The following CAMKV variants were observed in gnomAD, a reference collection of about 807,000 sequenced individuals.
CAMKV encodes caM kinase-like vesicle-associated protein.
In CAMKV, 5 loss-of-function variants were observed where a neutral mutation model predicts 50.2. The observed-to-expected ratio is 0.10, with a 90% CI of 0.05 to 0.21. CAMKV has a LOEUF of 0.21. Among genes scored for constraint, CAMKV ranks in the 10% least tolerant of loss-of-function variants. CAMKV has a pLI of 1.00. For synonymous variants in CAMKV, 229 were observed against 250.1 expected, an observed-to-expected ratio of 0.92 and a Z score of 0.80; for missense variants, 361 against 650.5, an observed-to-expected ratio of 0.55 and a Z score of 4.84.
chr3:49,864,513 TA>T (rs974998259), intron 1 of CAMKV, among the ~76,000 whole-genome samples: 1 of 151,820 alleles, frequency 6.6e-6, no homozygotes, highest in Non-Finnish European at 1.5e-5. Flanking sequence ...TCTGTAGTGC[TA>T]GGGGGGCTGA....
At position 49,860,261 on chromosome 3, in the gene CAMKV, G is replaced by T. The variant is rs1278019553; in HGVS notation, c.855-3C>A. The T allele has an allele frequency of 6.2e-7, 1 of 1,613,706 alleles. No homozygotes were observed. The highest frequency in any genetic ancestry group is 8.5e-7 in the Non-Finnish European group (1 of 1,179,740). On this transcript the variant is annotated splice_polypyrimidine_tract_variant and splice_region_variant and intron_variant, in intron 9 of 10. Coordinates refer to ENST00000477224, the MANE Select transcript of CAMKV (RefSeq NM_024046.5). This position sits in a 1 kb window ranked among gnomAD's most constrained non-coding sequence, Gnocchi z 6.1. ...CAGAAGCAGCATTGCCAGAAATCCT[G>T]GAAAGGGTGCAAGTGTGTCTGGATC...
rs1031852902 is a variant in CAMKV at position 49,859,065 on chromosome 3, CAA to C, written c.*251_*252del. On this transcript the variant is annotated 3_prime_UTR_variant, in exon 11 of 11. Transcript: ENST00000477224. The surrounding 1 kb of genome is among the most constrained non-coding windows in gnomAD (Gnocchi z 5.5). ...AAGGAACAGAAACTGGTGAAGCTAG[CAA>C]AAGACAGAAAAGCCACAAGGAATCC... The C allele has an allele frequency of 9.3e-6, 4 of 429,690 alleles. No individual in the cohort carries two copies. The highest frequency in any genetic ancestry group is 7.8e-5 in the African/African-American group (4 of 50,984). 26.6% of individuals were successfully genotyped at this position (429,690 alleles called of 1,614,324 possible). A position where few individuals can be genotyped will look rare whatever the true frequency, so the allele number is the denominator to read the frequency against.
At position 49,859,836 on chromosome 3, in the gene CAMKV, C is replaced by T. The variant is rs917359050; in HGVS notation, c.988G>A (p.Glu330Lys). 1.1e-5 allele frequency: 17 copies of T among 1,520,892 alleles called. No individual in the cohort carries two copies. Among genetic ancestry groups the T allele is most frequent in the Non-Finnish European group, 1.5e-5 (17 of 1,141,420 alleles). The allele number at this position is 1,520,892 out of a possible 1,614,324, so 94.2% of individuals were successfully genotyped here. The change falls in exon 11 of 11, where the codon GAG becomes AAG. Residue 330 changes from glutamate to lysine, a missense_variant. Physicochemically the swap from Glu to Lys is moderately conservative, Grantham distance 56. Around this residue, in one of 4 missense-constraint regions of CAMKV, gnomAD observed 87 missense variants for 92.0 expected, o/e 0.95. Transcript: ENST00000477224. This position sits in a 1 kb window ranked among gnomAD's most constrained non-coding sequence, Gnocchi z 5.5. ...TGGGCTGCAGCCGTGCTGGACTGCT[C>T]TGGTGCCCGGAGCCGTTTCATGAGG... The part of the protein sequence containing the change: ...TTLMKRLRAP[E>K]QSSTAAAQSA...
chr3:49,868,985 G>A (rs927888913), intron 1 of CAMKV, among the ~76,000 whole-genome samples: 1 of 152,208 alleles, frequency 6.6e-6, no homozygotes, highest in Non-Finnish European at 1.5e-5. Context: ...AACAGTACAA[G>A]CTGGGGAAGG....
chr3:49,867,765 G>A (rs1187959871), intron 1 of CAMKV, among the ~76,000 whole-genome samples: 1 of 152,016 alleles, frequency 6.6e-6, no homozygotes, highest in Non-Finnish European at 1.5e-5. Flanking sequence ...AAGAGAATGG[G>A]GCAGAGACAC....
Position 49,863,000 on chromosome 3 carries a change from A to G in CAMKV, c.-14-598T>C, listed in dbSNP as rs958675753. 1.3e-5 allele frequency among the ~76,000 whole-genome samples: 2 copies of G among 152,258 alleles called. No homozygotes were observed. Among genetic ancestry groups the G allele is most frequent in the African/African-American group, 2.4e-5 (1 of 41,462 alleles). On this transcript the variant is annotated intron_variant, in intron 1 of 10. Transcript: ENST00000477224. The surrounding 1 kb of genome is among the most constrained non-coding windows in gnomAD (Gnocchi z 5.2). ...CCATATACATAATCGCCAAAAATTG[A>G]AAACAGACCAAATACCACCACCAAC...
In CAMKV at chr3:49,858,609, C is replaced by T. The variant is rs566613288; in HGVS notation, c.*709G>A. On this transcript the variant is annotated 3_prime_UTR_variant, in exon 11 of 11. Transcript: ENST00000477224. ...GGCTCATGAGGTTCAGGGTACAGGG[C>T]AGCCCACTGCAGGACTCGGAAAGGC... The T allele has an allele frequency of 2.2e-5, 8 of 368,632 alleles. No individual in the cohort carries two copies. Among genetic ancestry groups the T allele is most frequent in the Middle Eastern group, 7.0e-4 (1 of 1,438 alleles). 22.8% of individuals were successfully genotyped at this position (368,632 alleles called of 1,614,324 possible). A position where few individuals can be genotyped will look rare whatever the true frequency, so the allele number is the denominator to read the frequency against.
In CAMKV at chr3:49,861,571, C is replaced by G. The variant is rs775258717; in HGVS notation, c.309G>C (p.Thr103=). Residue 103 remains threonine, a synonymous_variant, in exon 5 of 11, where the codon ACG becomes ACC. Transcript: ENST00000477224. The surrounding 1 kb of genome is among the most constrained non-coding windows in gnomAD (Gnocchi z 7.7). The part of the protein sequence containing the change: ...KEYFIFLELA[T]GREVFDWILD... ...GGATCCAGTCAAACACCTCCCTCCCCGTGGCCCTGAGGGACACCAGCCCCT... is the reference window on the plus strand; with the variant it reads ...GGATCCAGTCAAACACCTCCCTCCCGGTGGCCCTGAGGGACACCAGCCCCT... 1.9e-6 allele frequency: 3 copies of G among 1,614,104 alleles called. No individual in the cohort carries two copies. Among genetic ancestry groups the G allele is most frequent in the Non-Finnish European group, 2.5e-6 (3 of 1,180,040 alleles).
chr3:49,858,983 G>A lies in CAMKV; in HGVS notation c.*335C>T, dbSNP rs181263797. 3.9e-3 allele frequency: 934 copies of A among 237,010 alleles called. 2 individuals are homozygous for A. Among genetic ancestry groups the A allele is most frequent in the Middle Eastern group, 7.1e-3 (5 of 704 alleles). The allele number at this position is 237,010 out of a possible 1,614,324, so 14.7% of individuals were successfully genotyped here. A position where few individuals can be genotyped will look rare whatever the true frequency, so the allele number is the denominator to read the frequency against. On this transcript the variant is annotated 3_prime_UTR_variant, in exon 11 of 11. Coordinates refer to ENST00000477224, the MANE Select transcript of CAMKV (RefSeq NM_024046.5). ...CCTGCCTAGGGGAATGGTGAGGCAA[G>A]AAGGGAAGGGGAAGGAGAGCAGGAG...
Position 49,860,655 on chromosome 3 carries a change from G to A in CAMKV, c.775+61C>T, listed in dbSNP as rs945266334. On this transcript the variant is annotated intron_variant, in intron 8 of 10. Coordinates refer to ENST00000477224, the MANE Select transcript of CAMKV (RefSeq NM_024046.5). The surrounding 1 kb of genome is among the most constrained non-coding windows in gnomAD (Gnocchi z 6.1). ...AGCAGAATACCACAGAGGAAGATGA[G>A]AGCAGGACACCCTCCCCACTCCCTT... 3.9e-5 allele frequency: 63 copies of A among 1,612,040 alleles called. No individual in the cohort carries two copies. In the South Asian group the frequency reaches 4.3e-4, roughly 11 times the overall value.
At chr3:49,865,513 ATT>A (rs764885541) in intron 1 of CAMKV, among the ~76,000 whole-genome samples, 2 of 152,220 alleles carry the variant, frequency 1.3e-5, no homozygotes, top group Non-Finnish European at 1.5e-5. Context: ...TATTTATAAC[ATT>A]AAAAAAAATT....
Position 49,858,022 on chromosome 3 carries a change from A to G in CAMKV, c.*1296T>C, listed in dbSNP as rs917696213. 1.3e-5 allele frequency: 5 copies of G among 375,600 alleles called. No homozygotes were observed. Among genetic ancestry groups the G allele is most frequent in the Non-Finnish European group, 2.4e-5 (5 of 211,862 alleles). The allele number at this position is 375,600 out of a possible 1,614,324, so 23.3% of individuals were successfully genotyped here. ...AGGGTGATGTTTATTTGCCAGGTTC[A>G]GTAGGCACACAGTTAACCCACCGAC... On this transcript the variant is annotated 3_prime_UTR_variant, in exon 11 of 11. Coordinates refer to ENST00000477224, the MANE Select transcript of CAMKV (RefSeq NM_024046.5).
Position 49,859,828 on chromosome 3 carries a change from G to A in CAMKV, c.996C>T (p.Ser332=), listed in dbSNP as rs55792393. The change falls in exon 11 of 11, where the codon TCC becomes TCT. Residue 332 remains serine, a synonymous_variant. Coordinates refer to ENST00000477224, the MANE Select transcript of CAMKV (RefSeq NM_024046.5). This position sits in a 1 kb window ranked among gnomAD's most constrained non-coding sequence, Gnocchi z 5.5. The part of the protein sequence containing the change: ...LMKRLRAPEQ[S]STAAAQSASA... ...AGGCCGACTGGGCTGCAGCCGTGCT[G>A]GACTGCTCTGGTGCCCGGAGCCGTT... 3.2e-5 allele frequency: 49 copies of A among 1,529,814 alleles called. 1 individual carries two copies. In the East Asian group the frequency reaches 8.3e-4, roughly 26 times the overall value. 94.8% of individuals were successfully genotyped at this position (1,529,814 alleles called of 1,614,324 possible). A position where few individuals can be genotyped will look rare whatever the true frequency, so the allele number is the denominator to read the frequency against.
At position 49,860,553 on chromosome 3, in the gene CAMKV, TG is replaced by T. The variant is rs1380779943; in HGVS notation, c.776-5del. 6.2e-7 allele frequency: 1 copy of T among 1,612,756 alleles called. No individual in the cohort carries two copies. ...AGCCTTGTGACCAGGTCTTTGGCTGTGGACAAAACCAAGAAGGGGATAGTCA... is the reference window on the plus strand; with the variant it reads ...AGCCTTGTGACCAGGTCTTTGGCTGTGACAAAACCAAGAAGGGGATAGTCA... On this transcript the variant is annotated splice_polypyrimidine_tract_variant and splice_region_variant and intron_variant, in intron 8 of 10. Coordinates refer to ENST00000477224, the MANE Select transcript of CAMKV (RefSeq NM_024046.5). This position sits in a 1 kb window ranked among gnomAD's most constrained non-coding sequence, Gnocchi z 6.1.
Position 49,858,035 on chromosome 3 carries a change from T to G in CAMKV, c.*1283A>C, listed in dbSNP as rs1255778170. On this transcript the variant is annotated 3_prime_UTR_variant, in exon 11 of 11. Coordinates refer to ENST00000477224, the MANE Select transcript of CAMKV (RefSeq NM_024046.5). The stretch of plus-strand genomic sequence containing the variant: ...TTTGCCAGGTTCAGTAGGCACACAG[T>G]TAACCCACCGACCTTCACACACCAG... The G allele has an allele frequency of 2.6e-6, 1 of 383,662 alleles. No homozygotes were observed. Among genetic ancestry groups the G allele is most frequent in the African/African-American group, 2.1e-5 (1 of 48,328 alleles). 23.8% of individuals were successfully genotyped at this position (383,662 alleles called of 1,614,324 possible). A position where few individuals can be genotyped will look rare whatever the true frequency, so the allele number is the denominator to read the frequency against.
chr3:49,866,505 C>T (rs931006021), intron 1 of CAMKV, among the ~76,000 whole-genome samples: 2 of 152,212 alleles, frequency 1.3e-5, no homozygotes, highest in Non-Finnish European at 2.9e-5. Context: ...TCCACAACAG[C>T]CATTTCCCTG....
In CAMKV at chr3:49,860,643, A is replaced by T. The variant is rs2082012696; in HGVS notation, c.775+73T>A. On this transcript the variant is annotated intron_variant, in intron 8 of 10. Transcript: ENST00000477224. The surrounding 1 kb of genome is among the most constrained non-coding windows in gnomAD (Gnocchi z 6.1). ...CTGGGGGACAGAAGCAGAATACCAC[A>T]GAGGAAGATGAGAGCAGGACACCCT... The T allele has an allele frequency of 3.1e-6, 5 of 1,611,682 alleles. No homozygotes were observed. In the South Asian group the frequency reaches 4.4e-5, roughly 14 times the overall value.
chr3:49,864,357 C>T (rs1037648146), intron 1 of CAMKV, among the ~76,000 whole-genome samples: 3 of 152,156 alleles, frequency 2.0e-5, no homozygotes, highest in African/African-American at 7.2e-5. Flanking sequence ...CCACTGGGGC[C>T]CACAGGGGAC....
At chr3:49,866,328 C>G (rs1186571596) in intron 1 of CAMKV, among the ~76,000 whole-genome samples, 1 of 152,196 alleles carries the variant, frequency 6.6e-6, no homozygotes, top group Non-Finnish European at 1.5e-5. Flanking sequence ...CTGGGAGGAA[C>G]AGCCAAGGGA....
Sources: gnomAD v4.1 joint callset for allele counts (sites outside exome capture counted in the v4.1 genomes callset) on GRCh38, gnomAD v4.1.1 for gene constraint, gnomAD v4.1.1 regional missense constraint, Gnocchi (gnomAD v3.1) non-coding constraint, MANE v1.5 for transcripts, NCBI Gene and HGNC (gene_info 2026-07-23, HGNC 2026-07-21) for gene names.